XKR9: variants seen among roughly 807,000 people sequenced by gnomAD.
XKR9 encodes XK related 9, also known as XK-related protein 9.
A neutral mutation model predicts 32.0 loss-of-function variants in XKR9; 32 were observed. That is an observed-to-expected ratio of 1.00 (90% CI 0.76 to 1.34). XKR9 has a LOEUF of 1.34. XKR9 is among the 40% of genes most tolerant of loss of function. The pLI, the probability that XKR9 is intolerant of heterozygous loss-of-function variation, is 0.00. For synonymous variants in XKR9, 168 were observed against 143.4 expected (o/e 1.17, Z -1.22); for missense variants, 546 against 429.7 (o/e 1.27, Z -2.39).
the XKR9 span, among the ~76,000 whole-genome samples, chr8:70,808,981 A>G: frequency 6.6e-6 from 1 of 152,334 alleles, no homozygotes; most frequent in East Asian, 1.9e-4. Context: ...GGATCTGAGA[A>G]CGCACAGACT....
chr8:70,911,394 G>T, the XKR9 span, among the ~76,000 whole-genome samples: 3 of 152,054 alleles, frequency 2.0e-5, no homozygotes, highest in African/African-American at 7.2e-5. Context: ...AATTTATAAT[G>T]TATTTTTGAT....
chr8:70,801,958 G>A, the XKR9 span, among the ~76,000 whole-genome samples: 23 of 144,802 alleles, frequency 1.6e-4, no homozygotes, highest in African/African-American at 4.6e-4. Flanking sequence ...TTTTTGAGAT[G>A]GAGTCTTGCT....
chr8:70,821,708 G>A, the XKR9 span, among the ~76,000 whole-genome samples: 4 of 152,190 alleles, frequency 2.6e-5, no homozygotes, highest in Admixed American at 2.6e-4. Flanking sequence ...ACCCTCTGAA[G>A]CAATGGCCTG....
intron 4 of XKR9, among the ~76,000 whole-genome samples, chr8:70,714,411 T>C (rs1563442693): frequency 6.6e-6 from 1 of 151,916 alleles, no homozygotes; most frequent in Non-Finnish European, 1.5e-5. Context: ...TTTTATTATT[T>C]TAATACTCTT....
the XKR9 span, among the ~76,000 whole-genome samples, chr8:71,064,584 C>A: frequency 2.0e-5 from 3 of 152,044 alleles, no homozygotes; most frequent in East Asian, 5.8e-4. Flanking sequence ...CTCCCACATT[C>A]TTTAACATAG....
chr8:71,038,716 A>G, the XKR9 span, among the ~76,000 whole-genome samples: 1 of 149,018 alleles, frequency 6.7e-6, no homozygotes, highest in Non-Finnish European at 1.5e-5. Flanking sequence ...AGCAGTTCTC[A>G]TGAATAATTG....
intron 2 of XKR9, among the ~76,000 whole-genome samples, chr8:70,765,322 T>C (rs1053514141): frequency 1.3e-5 from 2 of 152,252 alleles, no homozygotes; most frequent in African/African-American, 4.8e-5. Flanking sequence ...GTGGTTTTGA[T>C]TTGCATTTCT....
At chr8:70,687,557 A>G (rs1819346796) in intron 3 of XKR9, among the ~76,000 whole-genome samples, 1 of 151,810 alleles carries the variant, frequency 6.6e-6, no homozygotes, top group Non-Finnish European at 1.5e-5. Context: ...TTTTGTACAG[A>G]TGGGGCCTCA....
chr8:70,699,170 T>A (rs1298511140), intron 3 of XKR9, among the ~76,000 whole-genome samples: 1 of 152,216 alleles, frequency 6.6e-6, no homozygotes, highest in East Asian at 1.9e-4. Flanking sequence ...CTGGAGCATT[T>A]AGTCCATTTA....
In XKR9 at chr8:70,733,901, G is replaced by A. The variant is rs115882259; in HGVS notation, c.599G>A (p.Cys200Tyr). 4.9e-3 allele frequency: 7,974 copies of A among 1,612,530 alleles called. 27 individuals are homozygous for A. The highest frequency in any genetic ancestry group is 5.8e-3 in the Non-Finnish European group (6,885 of 1,179,582). ...LPDKKLLNGL[C>Y]PKITYLFYKL... ...GACAAAAAGCTTCTTAATGGATTATGTCCCAAAATCACATATCTCTTTTAC... is the reference window on the plus strand; with the variant it reads ...GACAAAAAGCTTCTTAATGGATTATATCCCAAAATCACATATCTCTTTTAC... Residue 200 changes from cysteine to tyrosine, a missense_variant, in exon 5 of 5, where the codon TGT (cysteine) becomes TAT (tyrosine). Physicochemically the swap from Cys to Tyr is radical, Grantham distance 194 (BLOSUM62 -2). Coordinates refer to ENST00000408926, the MANE Select transcript of XKR9 (RefSeq NM_001011720.2).
the XKR9 span, among the ~76,000 whole-genome samples, chr8:71,038,169 G>T: frequency 6.6e-6 from 1 of 152,078 alleles, no homozygotes; most frequent in African/African-American, 2.4e-5. Context: ...TAACAAGCAG[G>T]ACAGAATATA....
At chr8:71,002,703 T>G in the XKR9 span, among the ~76,000 whole-genome samples, 1 of 152,302 alleles carries the variant, frequency 6.6e-6, no homozygotes, top group Non-Finnish European at 1.5e-5. Context: ...ACTCATGCTT[T>G]GAGAAGTGAA....
In XKR9 at chr8:70,669,348, G is replaced by T. The variant is rs2132085955; in HGVS notation, c.-551G>T. ...GGGGCGGTGCGGAACTAGAGGTCAC[G>T]TGACGCCGCGCGGGCTGCGCGGGCA... On this transcript the variant is annotated 5_prime_UTR_variant, in exon 1 of 5. Coordinates refer to ENST00000408926, the MANE Select transcript of XKR9 (RefSeq NM_001011720.2). 1 of 519,720 alleles carries T rather than the reference G, an allele frequency of 1.9e-6. No individual in the cohort carries two copies. The highest frequency in any genetic ancestry group is 3.3e-6 in the Non-Finnish European group (1 of 300,164). The allele number at this position is 519,720 out of a possible 1,614,324, so 32.2% of individuals were successfully genotyped here.
rs1466478233 is a variant in XKR9, at chr8:70,730,891, A to G, written c.494-2905A>G. On this transcript the variant is annotated intron_variant, in intron 4 of 4. Coordinates refer to ENST00000408926, the MANE Select transcript of XKR9 (RefSeq NM_001011720.2). ...AACTGCTCAAGATAATTTTAGGGCT[A>G]TGATATGAACCATAAAATTACTGTC... Among the ~76,000 whole-genome samples, 3 of 152,226 alleles carry G rather than the reference A, an allele frequency of 2.0e-5. 1 individual carries two copies. Among genetic ancestry groups the G allele is most frequent in the Admixed American group, 2.0e-4 (3 of 15,282 alleles).
At chr8:70,968,929 G>C in the XKR9 span, among the ~76,000 whole-genome samples, 1 of 152,148 alleles carries the variant, frequency 6.6e-6, no homozygotes, top group Non-Finnish European at 1.5e-5. Context: ...GAATGGGATC[G>C]GGGACCCACT....
At chr8:70,893,193 G>A in the XKR9 span, among the ~76,000 whole-genome samples, 3 of 151,848 alleles carry the variant, frequency 2.0e-5, no homozygotes, top group Admixed American at 6.6e-5. Flanking sequence ...TGGTTCTTTT[G>A]TAAAAAACGA....
At chr8:70,883,182 T>C in the XKR9 span, among the ~76,000 whole-genome samples, 10 of 151,934 alleles carry the variant, frequency 6.6e-5, no homozygotes, top group East Asian at 1.7e-3. Context: ...CTATATGTCC[T>C]TGAGTCCTCA....
chr8:71,045,274 G>A, the XKR9 span, among the ~76,000 whole-genome samples: 1 of 152,156 alleles, frequency 6.6e-6, no homozygotes, highest in Admixed American at 6.5e-5. Context: ...CTTGTCACGT[G>A]CTTGTCTGGG....
the XKR9 span, among the ~76,000 whole-genome samples, chr8:70,865,184 G>T: frequency 6.6e-6 from 1 of 151,998 alleles, no homozygotes; most frequent in Non-Finnish European, 1.5e-5. Context: ...AATGAGTGGA[G>T]AATTTTCCCT....
Sources: allele counts gnomAD v4.1 joint callset (sites outside exome capture counted in the v4.1 genomes callset), GRCh38; gene constraint gnomAD v4.1.1; transcripts MANE v1.5; gene names NCBI Gene and HGNC (gene_info 2026-07-23, HGNC 2026-07-21).